Variants in GRM6 observed in about 807,000 individuals in gnomAD.
GRM6 encodes the protein glutamate metabotropic receptor 6.
In GRM6, 73 loss-of-function variants were observed where a neutral mutation model predicts 78.4. The ratio of observed to expected loss-of-function variants is 0.93; its 90% CI spans 0.77 to 1.13. The LOEUF (loss-of-function observed/expected upper bound fraction) is 1.13. Ranked by LOEUF, GRM6 falls within the 50% of genes most tolerant of loss-of-function variation. The pLI, the probability that GRM6 is intolerant of heterozygous loss-of-function variation, is 0.00. For synonymous variants in GRM6, 580 were observed against 555.0 expected, an observed-to-expected ratio of 1.05 and a Z score of -0.63; for missense variants, 1,251 against 1,256.4, an observed-to-expected ratio of 1.00 and a Z score of 0.07.
At position 178,986,018 on chromosome 5, in the gene GRM6, T is replaced by C. The variant is rs539842899; in HGVS notation, c.2124+112A>G. ...CTCAGGTGATCCACCCACCTCAGCC[T>C]CCAAAGGTGCTGGGACTACAGGCGT... On this transcript the variant is annotated intron_variant, in intron 9 of 10. Coordinates refer to ENST00000517717, the MANE Select transcript of GRM6 (RefSeq NM_000843.4). 1.5e-5 allele frequency: 15 copies of C among 1,006,462 alleles called. No individual in the cohort carries two copies. The Admixed American group carries it at 2.8e-4, about 19-fold the overall frequency. The allele number at this position is 1,006,462 out of a possible 1,614,324, so 62.3% of individuals were successfully genotyped here. A position where few individuals can be genotyped will look rare whatever the true frequency, so the allele number is the denominator to read the frequency against.
chr5:178,987,039 C>G, intron 7 of GRM6, 56 bp from the exon 8 acceptor site: 1 of 1,574,740 alleles, frequency 6.4e-7, no homozygotes, highest in Non-Finnish European at 8.7e-7. Context: ...AGCTGGCCTC[C>G]TGGGGAGGCC....
chr5:178,992,387 G>A lies in GRM6; in HGVS notation c.505-304C>T, dbSNP rs1158219656. The A allele has an allele frequency of 7.9e-6, 3 of 380,908 alleles. No homozygotes were observed. The highest frequency in any genetic ancestry group is 5.2e-5 in the South Asian group (3 of 57,932). The allele number at this position is 380,908 out of a possible 1,614,324, so 23.6% of individuals were successfully genotyped here. A position where few individuals can be genotyped will look rare whatever the true frequency, so the allele number is the denominator to read the frequency against. ...CATATACTGGTACAAGCTGTGTCCT[G>A]AACAAGGACCCCCAGCAGAGGGCCT... On this transcript the variant is annotated intron_variant, in intron 2 of 10. Transcript: ENST00000517717. This position sits in a 1 kb window ranked among gnomAD's most constrained non-coding sequence, Gnocchi z 4.9.
chr5:178,978,808 G>A lies in GRM6; in HGVS notation c.*2849C>T, dbSNP rs1031192750. On this transcript the variant is annotated 3_prime_UTR_variant, in exon 11 of 11. Coordinates refer to ENST00000517717, the MANE Select transcript of GRM6 (RefSeq NM_000843.4). ...CGACATAAGAGAAACCACACTGGAAGAATGCCTTATAAATTCCACACATAG... is the reference window on the plus strand; with the variant it reads ...CGACATAAGAGAAACCACACTGGAAAAATGCCTTATAAATTCCACACATAG... The A allele has an allele frequency of 6.6e-6, 1 of 152,202 alleles. No individual in the cohort carries two copies. The highest frequency in any genetic ancestry group is 2.1e-4 in the South Asian group (1 of 4,832). The allele number at this position is 152,202 out of a possible 1,614,324, so 9.4% of individuals were successfully genotyped here.
Position 178,992,326 on chromosome 5 carries a change from G to A in GRM6, c.505-243C>T, listed in dbSNP as rs1330002221. The A allele has an allele frequency of 6.1e-6, 4 of 650,714 alleles. No homozygotes were observed. Among genetic ancestry groups the A allele is most frequent in the African/African-American group, 1.8e-5 (1 of 56,230 alleles). 40.3% of individuals were successfully genotyped at this position (650,714 alleles called of 1,614,324 possible). A position where few individuals can be genotyped will look rare whatever the true frequency, so the allele number is the denominator to read the frequency against. On this transcript the variant is annotated intron_variant, in intron 2 of 10. Transcript: ENST00000517717. The surrounding 1 kb of genome is among the most constrained non-coding windows in gnomAD (Gnocchi z 4.9). ...AATTCCGTGAATGCTGTGCAGGTGG[G>A]AGGTATGCAGGGCTGGGGAGAGGGC...
Position 178,980,668 on chromosome 5 carries a change from C to G in GRM6, c.*989G>C, listed in dbSNP as rs1015437915. The G allele has an allele frequency of 2.0e-5, 3 of 152,432 alleles. No homozygotes were observed. The highest frequency in any genetic ancestry group is 2.9e-5 in the Non-Finnish European group (2 of 68,250). The allele number at this position is 152,432 out of a possible 1,614,324, so 9.4% of individuals were successfully genotyped here. On this transcript the variant is annotated 3_prime_UTR_variant, in exon 11 of 11. Coordinates refer to ENST00000517717, the MANE Select transcript of GRM6 (RefSeq NM_000843.4). The surrounding 1 kb of genome is among the most constrained non-coding windows in gnomAD (Gnocchi z 4.3). ...TGTTTTTTTGAGACAGAGTCTCGCTCTGTCACCCAGGCTGGAGTACAGTGG... is the reference window on the plus strand; with the variant it reads ...TGTTTTTTTGAGACAGAGTCTCGCTGTGTCACCCAGGCTGGAGTACAGTGG...
Position 178,992,024 on chromosome 5 carries a change from G to T in GRM6, c.564C>A (p.Asp188Glu). ...CGGGTGGCACCACCCGGGAGAAGAA[G>T]TCATAGCGTGTGGAGTCGCTGAGCT... ...APELSDSTRY[D>E]FFSRVVPPDS... The change falls in exon 3 of 11, where the codon GAC becomes GAA. Residue 188 changes from aspartate (D) to glutamate (E), a missense_variant. Coordinates refer to ENST00000517717, the MANE Select transcript of GRM6 (RefSeq NM_000843.4). This position sits in a 1 kb window ranked among gnomAD's most constrained non-coding sequence, Gnocchi z 4.9. The T allele has an allele frequency of 1.2e-6, 2 of 1,614,130 alleles. No individual in the cohort carries two copies. The highest frequency in any genetic ancestry group is 1.7e-6 in the Non-Finnish European group (2 of 1,180,000).
At position 178,986,522 on chromosome 5, in the gene GRM6, G is replaced by A. The variant is rs62638210; in HGVS notation, c.1732C>T (p.Arg578Cys). The A allele has an allele frequency of 1.8e-3, 2,849 of 1,608,430 alleles. 7 individuals are homozygous for A. Among genetic ancestry groups the A allele is most frequent in the Middle Eastern group, 8.3e-3 (50 of 6,032 alleles). The part of the protein sequence containing the change: ...HTGCRPTPVV[R>C]LSWSSPWAAP... ...GCCCAGGGGGAGGACCAGCTCAGGC[G>A]CACCACAGGTGTGGGGCGGCAGCCC... is the stretch of plus-strand genomic sequence containing the variant. The change falls in exon 9 of 11, where the codon CGC (arginine) becomes TGC (cysteine). Residue 578 changes from arginine (R) to cysteine (C), a missense_variant. Physicochemically the swap from Arg to Cys is radical, Grantham distance 180 (BLOSUM62 -3). Coordinates refer to ENST00000517717, the MANE Select transcript of GRM6 (RefSeq NM_000843.4).
chr5:178,981,423 C>A lies in GRM6; in HGVS notation c.*234G>T. ...TAGAACCTTCTCGGTGGCTGTTTCC[C>A]ACCATGGGAAGCGAGTCTGGTCTGT... On this transcript the variant is annotated 3_prime_UTR_variant, in exon 11 of 11. Coordinates refer to ENST00000517717, the MANE Select transcript of GRM6 (RefSeq NM_000843.4). The surrounding 1 kb of genome is among the most constrained non-coding windows in gnomAD (Gnocchi z 5.1). The A allele has an allele frequency of 4.2e-6, 2 of 479,682 alleles. No homozygotes were observed. Among genetic ancestry groups the A allele is most frequent in the Non-Finnish European group, 3.8e-6 (1 of 266,180 alleles). 29.7% of individuals were successfully genotyped at this position (479,682 alleles called of 1,614,324 possible).
intron 2 of GRM6, among the ~76,000 whole-genome samples, chr5:178,993,048 C>T (rs1760709849): frequency 6.6e-6 from 1 of 152,170 alleles, no homozygotes; most frequent in South Asian, 2.1e-4. Context: ...CCCATGCCCC[C>T]TGGACCTCCT....
At position 178,981,100 on chromosome 5, in the gene GRM6, C is replaced by A. The variant is rs1760386863; in HGVS notation, c.*557G>T. On this transcript the variant is annotated 3_prime_UTR_variant, in exon 11 of 11. Coordinates refer to ENST00000517717, the MANE Select transcript of GRM6 (RefSeq NM_000843.4). This position sits in a 1 kb window ranked among gnomAD's most constrained non-coding sequence, Gnocchi z 5.1. ...ACTCCCGCGCCCACTGCAGGCCCTT[C>A]CCATGCTCACAGGGGTCTCACCCAG... 1 of 161,732 alleles carries A rather than the reference C, an allele frequency of 6.2e-6. No homozygotes were observed. Among genetic ancestry groups the A allele is most frequent in the African/African-American group, 2.4e-5 (1 of 41,566 alleles). The allele number at this position is 161,732 out of a possible 1,614,324, so 10.0% of individuals were successfully genotyped here. A position where few individuals can be genotyped will look rare whatever the true frequency, so the allele number is the denominator to read the frequency against.
chr5:178,989,925 C>T, intron 5 of GRM6: 1 of 221,054 alleles, frequency 4.5e-6, no homozygotes, highest in Non-Finnish European at 9.1e-6. Context: ...AACTCTCAGA[C>T]CTCCTGTCTT....
chr5:178,985,982 G>A (rs964403592), intron 9 of GRM6, 148 bp downstream of exon 9: 64 of 714,338 alleles, frequency 9.0e-5, no homozygotes, highest in Middle Eastern at 7.9e-4. Context: ...GGCTGGTCTC[G>A]AACTCCTGGA....
Position 178,986,970 on chromosome 5 carries a change from G to A in GRM6, c.1368C>T (p.Thr456=), listed in dbSNP as rs1223594357. The part of the protein sequence containing the change: ...RAVRFNGSAG[T]PVMFNENGDA... ...CTCCGTTCTCGTTGAACATCACAGG[G>A]GTTCCTGCGCTGCCTGGAGAGAGAG... The change falls in exon 8 of 11, where the codon ACC becomes ACT. Residue 456 remains threonine, a synonymous_variant. Coordinates refer to ENST00000517717, the MANE Select transcript of GRM6 (RefSeq NM_000843.4). 2.5e-6 allele frequency: 4 copies of A among 1,613,834 alleles called. No individual in the cohort carries two copies. Among genetic ancestry groups the A allele is most frequent in the Non-Finnish European group, 3.4e-6 (4 of 1,179,918 alleles).
rs1760389772 is a variant in GRM6 at position 178,981,252 on chromosome 5, T to G, written c.*405A>C. ...TCCAACCCCATGTTTCATTCTGGGGTCTACACGTTCTTCCACACTGCCCAA... is the reference window on the plus strand; with the variant it reads ...TCCAACCCCATGTTTCATTCTGGGGGCTACACGTTCTTCCACACTGCCCAA... On this transcript the variant is annotated 3_prime_UTR_variant, in exon 11 of 11. Coordinates refer to ENST00000517717, the MANE Select transcript of GRM6 (RefSeq NM_000843.4). The surrounding 1 kb of genome is among the most constrained non-coding windows in gnomAD (Gnocchi z 5.1). The G allele has an allele frequency of 4.5e-6, 1 of 219,946 alleles. No homozygotes were observed. The highest frequency in any genetic ancestry group is 2.3e-5 in the African/African-American group (1 of 43,878). 13.6% of individuals were successfully genotyped at this position (219,946 alleles called of 1,614,324 possible). A position where few individuals can be genotyped will look rare whatever the true frequency, so the allele number is the denominator to read the frequency against.
In GRM6 at chr5:178,986,347, G is replaced by A; in HGVS notation, c.1907C>T (p.Ala636Val). ...VLLTGIFLIY[A>V]ITFLMVAEPG... is the part of the protein sequence containing the mutation. ...CTCAGCCACCATGAGGAAGGTGATGGCGTAGATGAGGAAGATGCCGGTGAG... is the reference window on the plus strand; with the variant it reads ...CTCAGCCACCATGAGGAAGGTGATGACGTAGATGAGGAAGATGCCGGTGAG... The change falls in exon 9 of 11, where the codon GCC becomes GTC. Residue 636 changes from alanine (A) to valine (V), a missense_variant. Physicochemically the swap from Ala to Val is moderately conservative, Grantham distance 64 (BLOSUM62 0). Coordinates refer to ENST00000517717, the MANE Select transcript of GRM6 (RefSeq NM_000843.4). 3 of 1,614,162 alleles carry A rather than the reference G, an allele frequency of 1.9e-6. No homozygotes were observed. The highest frequency in any genetic ancestry group is 2.5e-6 in the Non-Finnish European group (3 of 1,180,040).
At chr5:178,986,779 G>T (rs747801670) in intron 8 of GRM6, 26 bp from the exon 9 acceptor site, 1 of 1,610,840 alleles carries the variant, frequency 6.2e-7, no homozygotes. Flanking sequence ...CACAGGCTGG[G>T]GCGTCTGCCT....
intron 5 of GRM6, among the ~76,000 whole-genome samples, chr5:178,990,277 T>C (rs1460418762): frequency 6.6e-6 from 1 of 152,166 alleles, no homozygotes; most frequent in Non-Finnish European, 1.5e-5. Context: ...CCTTGGTTTC[T>C]CTCCCTCCCA....
chr5:178,992,132 A>G lies in GRM6; in HGVS notation c.505-49T>C, dbSNP rs747832067. The G allele has an allele frequency of 7.4e-7, 1 of 1,352,714 alleles. No homozygotes were observed. The highest frequency in any genetic ancestry group is 1.1e-6 in the Non-Finnish European group (1 of 948,970). The allele number at this position is 1,352,714 out of a possible 1,614,324, so 83.8% of individuals were successfully genotyped here. On this transcript the variant is annotated intron_variant, in intron 2 of 10. Transcript: ENST00000517717. The surrounding 1 kb of genome is among the most constrained non-coding windows in gnomAD (Gnocchi z 4.9). ...GGCTGTGGATGGAGGTCAGTAACTC[A>G]AGAGAGGGAGGGTAAGGGGGGCCCA... is the stretch of plus-strand genomic sequence containing the variant.
intron 9 of GRM6, among the ~76,000 whole-genome samples, chr5:178,984,274 AGTG>A (rs1760464990): frequency 7.7e-6 from 1 of 129,424 alleles, no homozygotes; most frequent in Non-Finnish European, 1.8e-5. Flanking sequence ...CAGCCCGTGG[AGTG>A]GGGAGCGAGC....
Sources: gnomAD v4.1 joint callset for allele counts (sites outside exome capture counted in the v4.1 genomes callset) on GRCh38, gnomAD v4.1.1 for gene constraint, Gnocchi (gnomAD v3.1) non-coding constraint, MANE v1.5 for transcripts, NCBI Gene and HGNC (gene_info 2026-07-23, HGNC 2026-07-21) for gene names.